Variants in UBXN7 observed in about 807,000 individuals in gnomAD.
UBXN7 encodes UBX domain protein 7, also known as UBX domain-containing protein 7.
Under a neutral mutation model 58.0 loss-of-function variants are expected in UBXN7, and 9 were observed. The ratio of observed to expected loss-of-function variants is 0.16; its 90% CI spans 0.09 to 0.27. UBXN7 has a LOEUF of 0.27. UBXN7 is among the 10% of genes least tolerant of loss of function. UBXN7 has a pLI of 1.00. For synonymous variants in UBXN7, 208 were observed against 205.0 expected, an observed-to-expected ratio of 1.01 and a Z score of -0.12; for missense variants, 328 against 599.6, an observed-to-expected ratio of 0.55 and a Z score of 4.73.
intron 3 of UBXN7, among the ~76,000 whole-genome samples, chr3:196,396,657 G>A (rs1729784580): frequency 6.6e-6 from 1 of 152,032 alleles, no homozygotes; most frequent in Non-Finnish European, 1.5e-5. Flanking sequence ...CAGCTACTCG[G>A]GAGGCTGAGG....
chr3:196,387,394 T>G lies in UBXN7; in HGVS notation c.468+4419A>C, dbSNP rs527848657. On this transcript the variant is annotated intron_variant, in intron 5 of 10. Transcript: ENST00000296328. ...CAGGCATGGGCAAAGACTTCACAAC[T>G]AAAACACCAATAGCAATGGCAACAA... Among the ~76,000 whole-genome samples, 39 of 152,242 alleles carry G rather than the reference T, an allele frequency of 2.6e-4. No individual in the cohort carries two copies. The South Asian group carries it at 7.9e-3, about 31-fold the overall frequency.
intron 5 of UBXN7, among the ~76,000 whole-genome samples, chr3:196,390,730 GAA>G (rs528568666): frequency 3.1e-4 from 31 of 101,492 alleles, no homozygotes; most frequent in East Asian, 2.9e-4. Flanking sequence ...CCATCTCAAG[GAA>G]AAAAAAAAAA....
At chr3:196,431,999 C>T in intron 1 of UBXN7, 3 of 501,736 alleles carry the variant, frequency 6.0e-6, no homozygotes, top group Non-Finnish European at 7.3e-6. Context: ...GGCCCGGGTG[C>T]GGCCCCCTAC....
At chr3:196,384,853 G>A (rs187556033) in intron 5 of UBXN7, among the ~76,000 whole-genome samples, 272 of 152,242 alleles carry the variant, frequency 1.8e-3, no homozygotes, top group African/African-American at 6.2e-3. Flanking sequence ...CATACTGAAT[G>A]GGCAAAAACT....
intron 3 of UBXN7, among the ~76,000 whole-genome samples, chr3:196,397,969 A>G (rs1034961685): frequency 6.6e-6 from 1 of 152,112 alleles, no homozygotes; most frequent in African/African-American, 2.4e-5. Context: ...ACAGCCCCCA[A>G]TTTTCCCTGT....
intron 1 of UBXN7, among the ~76,000 whole-genome samples, chr3:196,410,800 C>A (rs1400402477): frequency 7.3e-5 from 11 of 149,682 alleles, no homozygotes; most frequent in African/African-American, 2.7e-4. Context: ...CCAGCCTGGG[C>A]AACGGAGCAA....
intron 1 of UBXN7, among the ~76,000 whole-genome samples, chr3:196,426,183 A>G (rs1377443313): frequency 6.6e-6 from 1 of 152,042 alleles, no homozygotes; most frequent in Admixed American, 6.6e-5. Context: ...CAAGAGTTTG[A>G]GACCAGCCTC....
At chr3:196,378,186 C>A (rs528473203) in intron 5 of UBXN7, among the ~76,000 whole-genome samples, 9 of 152,154 alleles carry the variant, frequency 5.9e-5, no homozygotes, top group Non-Finnish European at 1.3e-4. Flanking sequence ...ACCACTATCT[C>A]CCTGTGGCAG....
chr3:196,368,100 C>A lies in UBXN7; in HGVS notation c.762G>T (p.Val254=), dbSNP rs775484092. The part of the protein sequence containing the change: ...QLDVSSFLDQ[V]TGFLGEHGQL... ...GTCCATGTTCACCCAGAAATCCCGT[C>A]ACTTGGTCCAAGAAAGAAGATACAT... The change falls in exon 8 of 11, where the codon GTG becomes GTT. Residue 254 remains valine, a synonymous_variant. Transcript: ENST00000296328. 2 of 1,614,130 alleles carry A rather than the reference C, an allele frequency of 1.2e-6. No individual in the cohort carries two copies. The highest frequency in any genetic ancestry group is 1.7e-6 in the Non-Finnish European group (2 of 1,179,986).
At position 196,356,750 on chromosome 3, in the gene UBXN7, C is replaced by T; in HGVS notation, c.1405G>A (p.Asp469Asn). The T allele has an allele frequency of 5.0e-6, 8 of 1,612,992 alleles. No individual in the cohort carries two copies. The highest frequency in any genetic ancestry group is 6.8e-6 in the Non-Finnish European group (8 of 1,179,782). The change falls in exon 11 of 11, where the codon GAT becomes AAT. Residue 469 changes from aspartate to asparagine, a missense_variant. Coordinates refer to ENST00000296328, the MANE Select transcript of UBXN7 (RefSeq NM_015562.2). ...AGGCCTGCCTCTTGCAATGTAATAT[C>T]ATAGTCCAGATGAGATAATTTCCTT... ...PRRKLSHLDY[D>N]ITLQEAGLCP...
intron 3 of UBXN7, 90 bp from the exon 4 acceptor site, chr3:196,393,709 A>G: frequency 2.3e-6 from 3 of 1,295,614 alleles, no homozygotes; most frequent in South Asian, 1.3e-5. Flanking sequence ...TTTTTTTAAT[A>G]AAACATATGA....
In UBXN7 at chr3:196,382,631, C is replaced by T. The variant is rs531900433; in HGVS notation, c.468+9182G>A. Among the ~76,000 whole-genome samples the T allele has an allele frequency of 1.6e-4, 24 of 152,262 alleles. No homozygotes were observed. In the South Asian group the frequency reaches 4.8e-3, roughly 30 times the overall value. ...TCATAATGACAGGATCAAATTCACA[C>T]ACAATAATATTAACCTTAAATGTAA... On this transcript the variant is annotated intron_variant, in intron 5 of 10. Coordinates refer to ENST00000296328, the MANE Select transcript of UBXN7 (RefSeq NM_015562.2).
chr3:196,392,010 T>C, intron 4 of UBXN7, 85 bp from the exon 5 acceptor site: 1 of 802,872 alleles, frequency 1.2e-6, no homozygotes, highest in East Asian at 3.1e-5. Context: ...CAAACTTCTG[T>C]CAATTGAAGG....
intron 5 of UBXN7, among the ~76,000 whole-genome samples, chr3:196,379,241 A>G (rs998435941): frequency 4.3e-5 from 6 of 140,364 alleles, no homozygotes; most frequent in African/African-American, 1.6e-4. Context: ...GCTTCTTTCC[A>G]TGTTGGTTTT....
intron 9 of UBXN7, 129 bp downstream of exon 9, chr3:196,362,165 T>C: frequency 7.7e-7 from 1 of 1,301,826 alleles, no homozygotes; most frequent in Non-Finnish European, 1.0e-6. Flanking sequence ...GGCTAAGTTT[T>C]GTATTTTTAG....
At chr3:196,370,271 GTTTT>G (rs200875234) in intron 6 of UBXN7, among the ~76,000 whole-genome samples, 179 of 106,816 alleles carry the variant, frequency 1.7e-3, no homozygotes, top group Non-Finnish European at 1.5e-3. Flanking sequence ...AAGTTTTTTT[GTTTT>G]TTTTTGTTTG....
At position 196,407,357 on chromosome 3, in the gene UBXN7, G is replaced by A. The variant is rs368096758; in HGVS notation, c.110C>T (p.Ala37Val). 8 of 1,611,830 alleles carry A rather than the reference G, an allele frequency of 5.0e-6. No homozygotes were observed. The highest frequency in any genetic ancestry group is 1.7e-5 in the Admixed American group (1 of 59,730). The change falls in exon 2 of 11, where the codon GCG becomes GTG. Residue 37 changes from alanine (A) to valine (V), a missense_variant. Ala to Val is a moderately conservative substitution (Grantham distance 64). Around this residue, in one of 4 missense-constraint regions of UBXN7, gnomAD observed 106 missense variants for 124.3 expected, o/e 0.85. Transcript: ENST00000296328. ...SESVGKHMLE[A>V]CNNNLEMAVT... ...TGCCATTTCCAGATTATTGTTGCAC[G>A]CTTCAAGCATATGTTTTCCTACACT... is the stretch of plus-strand genomic sequence containing the variant.
intron 6 of UBXN7, among the ~76,000 whole-genome samples, chr3:196,370,107 C>CAGGAGTCCTGA (rs1560221392): frequency 7.4e-6 from 1 of 135,280 alleles, no homozygotes; most frequent in Non-Finnish European, 1.5e-5. Context: ...TCCTGCCCAG[C>CAGGAGTCCTGA]GACAATGCAA....
chr3:196,376,397 T>C (rs1225703953), intron 5 of UBXN7, among the ~76,000 whole-genome samples: 1 of 151,478 alleles, frequency 6.6e-6, no homozygotes, highest in Admixed American at 6.6e-5. Context: ...ATTTAAAAAA[T>C]TAGCCAGGCG....
Sources: gnomAD v4.1 joint callset for allele counts (sites outside exome capture counted in the v4.1 genomes callset) on GRCh38, gnomAD v4.1.1 for gene constraint, gnomAD v4.1.1 regional missense constraint, MANE v1.5 for transcripts, NCBI Gene and HGNC (gene_info 2026-07-23, HGNC 2026-07-21) for gene names.